Variants in COG5 observed in about 807,000 individuals in gnomAD.
COG5 encodes the protein conserved oligomeric Golgi complex subunit 5.
COG5 carries 86 observed loss-of-function variants against 110.4 expected under a neutral mutation model. The observed-to-expected ratio is 0.78, with a 90% CI of 0.65 to 0.93. The LOEUF is 0.93. COG5 is among the 40% of genes least tolerant of loss of function. COG5 has a pLI of 0.00. For synonymous variants in COG5, 360 were observed against 334.6 expected (o/e 1.08, Z -0.83); for missense variants, 1,077 against 987.0 (o/e 1.09, Z -1.22).
chr7:107,217,154 C>T lies in COG5; in HGVS notation c.2169-5929G>A, dbSNP rs1180573067. ...GATAAAATTCCTAGACACATATAATCTACTAACACTGAATCAAGAAGAAAT... is the reference window on the plus strand; with the variant it reads ...GATAAAATTCCTAGACACATATAATTTACTAACACTGAATCAAGAAGAAAT... On this transcript the variant is annotated intron_variant, in intron 19 of 21. Transcript: ENST00000297135. Among the ~76,000 whole-genome samples the T allele has an allele frequency of 2.6e-5, 4 of 152,112 alleles. No homozygotes were observed. The East Asian group carries it at 7.7e-4, about 29-fold the overall frequency.
At chr7:107,354,841 C>A (rs1812488119) in intron 10 of COG5, among the ~76,000 whole-genome samples, 1 of 152,186 alleles carries the variant, frequency 6.6e-6, no homozygotes, top group Admixed American at 6.5e-5. Context: ...ACATGACCTA[C>A]CCAAGGTTGC....
intron 17 of COG5, among the ~76,000 whole-genome samples, chr7:107,242,065 A>ATTAT (rs796263124): frequency 5.9e-5 from 9 of 152,302 alleles, no homozygotes; most frequent in African/African-American, 2.2e-4. Context: ...TACAGGCATA[A>ATTAT]GCCACTGTGC....
At chr7:107,294,460 CT>C (rs1584633775) in intron 12 of COG5, among the ~76,000 whole-genome samples, 2 of 152,156 alleles carry the variant, frequency 1.3e-5, no homozygotes, top group South Asian at 2.1e-4. Context: ...CTGGCCCCCC[CT>C]AAGTTGTCTA....
At chr7:107,519,912 C>T (rs1358146766) in intron 6 of COG5, among the ~76,000 whole-genome samples, 3 of 152,144 alleles carry the variant, frequency 2.0e-5, no homozygotes. Flanking sequence ...ACTGGCAAAC[C>T]GAATCCAGCA....
chr7:107,434,737 A>G (rs543528246), intron 6 of COG5, among the ~76,000 whole-genome samples: 84 of 152,246 alleles, frequency 5.5e-4, no homozygotes, highest in South Asian at 1.9e-3. Flanking sequence ...TTGGGAGGCC[A>G]AGGTGGGCGG....
At chr7:107,407,534 G>A (rs1050166760) in intron 7 of COG5, among the ~76,000 whole-genome samples, 4 of 151,160 alleles carry the variant, frequency 2.6e-5, no homozygotes, top group African/African-American at 7.3e-5. Flanking sequence ...TCAATCCAGT[G>A]AGTACATCAA....
chr7:107,505,419 G>A (rs1460757681), intron 6 of COG5, among the ~76,000 whole-genome samples: 2 of 152,164 alleles, frequency 1.3e-5, no homozygotes, highest in African/African-American at 4.8e-5. Context: ...GTTTCAAGTG[G>A]AGAGGAATTG....
chr7:107,420,042 T>C (rs1227519744), intron 6 of COG5, among the ~76,000 whole-genome samples: 1 of 152,234 alleles, frequency 6.6e-6, no homozygotes, highest in Non-Finnish European at 1.5e-5. Flanking sequence ...CTTTAAAATA[T>C]GTAAAAATAT....
intron 6 of COG5, among the ~76,000 whole-genome samples, chr7:107,463,294 C>A (rs1180199032): frequency 1.3e-5 from 2 of 152,208 alleles, no homozygotes; most frequent in East Asian, 3.9e-4. Context: ...AAAAGAGATG[C>A]ACTTGGTAGC....
chr7:107,479,980 C>T (rs909534148), intron 6 of COG5, among the ~76,000 whole-genome samples: 1 of 152,080 alleles, frequency 6.6e-6, no homozygotes, highest in African/African-American at 2.4e-5. Flanking sequence ...TTATTATGGG[C>T]ATCCATCCAA....
At chr7:107,440,552 G>C (rs1584825967) in intron 6 of COG5, among the ~76,000 whole-genome samples, 1 of 152,100 alleles carries the variant, frequency 6.6e-6, no homozygotes, top group Non-Finnish European at 1.5e-5. Context: ...GTGGCCACTA[G>C]ACAGCTTCAG....
At chr7:107,383,883 T>A (rs1040039222) in intron 7 of COG5, among the ~76,000 whole-genome samples, 6 of 152,116 alleles carry the variant, frequency 3.9e-5, no homozygotes, top group African/African-American at 1.2e-4. Context: ...TCCTCCAAAC[T>A]GCAAAGAATT....
At chr7:107,377,843 T>A (rs916831105) in intron 7 of COG5, among the ~76,000 whole-genome samples, 1 of 152,108 alleles carries the variant, frequency 6.6e-6, no homozygotes, top group African/African-American at 2.4e-5. Flanking sequence ...ACAGAGCACC[T>A]GGGGGAAGGG....
At chr7:107,345,686 T>C (rs780100024) in intron 10 of COG5, among the ~76,000 whole-genome samples, 11 of 152,168 alleles carry the variant, frequency 7.2e-5, no homozygotes, top group Non-Finnish European at 7.4e-5. Flanking sequence ...ATTTTTGTAC[T>C]GTACACTTAG....
intron 6 of COG5, among the ~76,000 whole-genome samples, chr7:107,414,702 C>CTTTTTTTTT (rs1563019968): frequency 9.9e-6 from 1 of 100,722 alleles, no homozygotes; most frequent in East Asian, 3.0e-4. Context: ...CCTCACTGTC[C>CTTTTTTTTT]CTTTTTTTTT....
At chr7:107,411,112 G>A (rs1792260298) in intron 7 of COG5, among the ~76,000 whole-genome samples, 1 of 152,140 alleles carries the variant, frequency 6.6e-6, no homozygotes, top group Admixed American at 6.5e-5. Flanking sequence ...ACAACCATAT[G>A]AGGAAGAGGA....
At chr7:107,326,212 C>A (rs528551568) in intron 10 of COG5, among the ~76,000 whole-genome samples, 1 of 152,080 alleles carries the variant, frequency 6.6e-6, no homozygotes, top group African/African-American at 2.4e-5. Context: ...CTCCATGGTG[C>A]GAAACAGAAA....
chr7:107,285,086 C>T (rs1185854970), intron 12 of COG5, among the ~76,000 whole-genome samples: 1 of 152,156 alleles, frequency 6.6e-6, no homozygotes, highest in African/African-American at 2.4e-5. Flanking sequence ...TCACTCAACA[C>T]ATATTTACTG....
At chr7:107,412,776 T>A in intron 6 of COG5, 144 bp from the exon 7 acceptor site, 1 of 603,916 alleles carries the variant, frequency 1.7e-6, no homozygotes, top group Non-Finnish European at 2.8e-6. Flanking sequence ...TTTTAAAAAA[T>A]ACAGTTTCCC....
Sources: gnomAD v4.1 joint callset for allele counts (sites outside exome capture counted in the v4.1 genomes callset) on GRCh38, gnomAD v4.1.1 for gene constraint, MANE v1.5 for transcripts, NCBI Gene and HGNC (gene_info 2026-07-23, HGNC 2026-07-21) for gene names.